NDUFS4: variants seen among roughly 807,000 people sequenced by gnomAD.
The protein encoded by NDUFS4 is NADH dehydrogenase [ubiquinone] iron-sulfur protein 4, mitochondrial.
NDUFS4 carries 28 observed loss-of-function variants against 24.3 expected under a neutral mutation model. That is an observed-to-expected ratio of 1.15 (90% CI 0.85 to 1.58). The LOEUF (loss-of-function observed/expected upper bound fraction) is 1.58. Among genes scored for constraint, NDUFS4 ranks in the 40% most tolerant of loss-of-function variants. The pLI is 0.00. For synonymous variants in NDUFS4, 93 were observed against 69.7 expected (o/e 1.34, Z -1.67); for missense variants, 223 against 207.9 (o/e 1.07, Z -0.45).
intron 2 of NDUFS4, among the ~76,000 whole-genome samples, chr5:53,622,141 G>T (rs1034912733): frequency 6.6e-6 from 1 of 151,954 alleles, no homozygotes; most frequent in African/African-American, 2.4e-5. Flanking sequence ...TTTCCATCTG[G>T]TATCCTTTTC....
At chr5:53,675,890 A>C (rs1412018201) in intron 4 of NDUFS4, among the ~76,000 whole-genome samples, 2 of 152,172 alleles carry the variant, frequency 1.3e-5, no homozygotes, top group Admixed American at 6.5e-5. Flanking sequence ...AGAGCCAAGA[A>C]AAGAGGTATG....
At chr5:53,603,740 A>G (rs189714605) in intron 2 of NDUFS4, among the ~76,000 whole-genome samples, 26 of 152,328 alleles carry the variant, frequency 1.7e-4, no homozygotes, top group African/African-American at 6.0e-4. Context: ...GCAAATATTA[A>G]TAAATTAAAA....
rs141811029 is a variant in NDUFS4, at chr5:53,658,699, A to G, written c.424+75A>G. On this transcript the variant is annotated intron_variant, in intron 4 of 4. Transcript: ENST00000296684. ...TAACCTTAATTAAAACCAATTAAGT[A>G]TACAGAATTTGAGTTGGAATCCAGT... 1.4e-4 allele frequency: 178 copies of G among 1,315,530 alleles called. 1 individual carries two copies. In the African/African-American group the frequency reaches 2.2e-3, roughly 16 times the overall value. The allele number at this position is 1,315,530 out of a possible 1,614,324, so 81.5% of individuals were successfully genotyped here. A position where few individuals can be genotyped will look rare whatever the true frequency, so the allele number is the denominator to read the frequency against.
rs143578644 is a variant in NDUFS4, at chr5:53,630,649, C to T, written c.178-15584C>T. On this transcript the variant is annotated intron_variant, in intron 2 of 4. Transcript: ENST00000296684. ...TAATTTCATCTTCAATCACTGATATCCTTTCTTCAGCTTGATCGATTCGGC... is the reference window on the plus strand; with the variant it reads ...TAATTTCATCTTCAATCACTGATATTCTTTCTTCAGCTTGATCGATTCGGC... 4.6e-5 allele frequency among the ~76,000 whole-genome samples: 7 copies of T among 152,126 alleles called. No individual in the cohort carries two copies. In the East Asian group the frequency reaches 1.4e-3, roughly 29 times the overall value.
chr5:53,619,234 G>C (rs1354419084), intron 2 of NDUFS4, among the ~76,000 whole-genome samples: 2 of 150,982 alleles, frequency 1.3e-5, no homozygotes, highest in African/African-American at 4.9e-5. Flanking sequence ...ACTTTGGGAG[G>C]CCGAGGCAGG....
intron 2 of NDUFS4, among the ~76,000 whole-genome samples, chr5:53,626,132 C>T (rs1409444581): frequency 3.3e-5 from 5 of 152,032 alleles, no homozygotes; most frequent in South Asian, 2.1e-4. Flanking sequence ...TGAGAACATG[C>T]GGTGTTAGGT....
At chr5:53,660,685 C>G (rs952204268) in intron 4 of NDUFS4, among the ~76,000 whole-genome samples, 6 of 152,018 alleles carry the variant, frequency 3.9e-5, no homozygotes, top group African/African-American at 1.4e-4. Flanking sequence ...TTTTAATGAT[C>G]GCCGTTCTAA....
chr5:53,567,666 G>C (rs7711180), intron 1 of NDUFS4, among the ~76,000 whole-genome samples: 19,164 of 151,804 alleles, frequency 0.13, 2,242 homozygotes, highest in East Asian at 0.46. Context: ...CTGAGTTCTC[G>C]TGTCTGCTTT....
intron 2 of NDUFS4, among the ~76,000 whole-genome samples, chr5:53,616,470 G>A (rs1750844173): frequency 6.6e-6 from 1 of 152,230 alleles, no homozygotes; most frequent in South Asian, 2.1e-4. Context: ...TTGAGATGTT[G>A]TGCTGTGTGA....
chr5:53,605,518 A>G (rs529270640), intron 2 of NDUFS4, among the ~76,000 whole-genome samples: 16 of 152,222 alleles, frequency 1.1e-4, no homozygotes, highest in Admixed American at 7.9e-4. Context: ...TTGGTTTGGT[A>G]TTTTTAATTA....
rs1462887706 is a variant in NDUFS4 at position 53,668,381 on chromosome 5, A to G, written c.424+9757A>G. The stretch of plus-strand genomic sequence containing the variant: ...AGTCATGAGCATGGTTTCCCTTGAC[A>G]CTAAAGATTGTAGAAAATCAATACA... On this transcript the variant is annotated intron_variant, in intron 4 of 4. Coordinates refer to ENST00000296684, the MANE Select transcript of NDUFS4 (RefSeq NM_002495.4). Among the ~76,000 whole-genome samples the G allele has an allele frequency of 2.6e-5, 4 of 152,172 alleles. No homozygotes were observed. In the East Asian group the frequency reaches 7.7e-4, roughly 29 times the overall value.
rs1198698009 is a variant in NDUFS4 at position 53,560,700 on chromosome 5, CGTT to C, written c.41_43del (p.Leu14del). 4 of 1,614,138 alleles carry C rather than the reference CGTT, an allele frequency of 2.5e-6. No individual in the cohort carries two copies. The highest frequency in any genetic ancestry group is 2.2e-5 in the East Asian group (1 of 44,906). The stretch of plus-strand genomic sequence containing the variant: ...TCAATGTCAGTGGTACTGAGGCAGA[CGTT>C]GTGGCGGAGAAGGGCAGTGGCTGTA... On this transcript the variant is annotated inframe_deletion, in exon 1 of 5. Transcript: ENST00000296684.
chr5:53,661,815 A>G (rs1752352644), intron 4 of NDUFS4, among the ~76,000 whole-genome samples: 4 of 151,904 alleles, frequency 2.6e-5, no homozygotes, highest in African/African-American at 9.7e-5. Context: ...AGTGGTGTAT[A>G]AGAATGCTTG....
chr5:53,653,216 G>A (rs756460974), intron 3 of NDUFS4, among the ~76,000 whole-genome samples: 1 of 152,248 alleles, frequency 6.6e-6, no homozygotes, highest in African/African-American at 2.4e-5. Flanking sequence ...ACAAGGATTT[G>A]TTCCATGTCA....
At chr5:53,576,672 C>T (rs1749396046) in intron 1 of NDUFS4, among the ~76,000 whole-genome samples, 1 of 152,074 alleles carries the variant, frequency 6.6e-6, no homozygotes, top group African/African-American at 2.4e-5. Flanking sequence ...ACTGCTGTAT[C>T]GTATGAATAT....
rs1751755760 is a variant in NDUFS4, at chr5:53,643,336, G to T, written c.178-2897G>T. Among the ~76,000 whole-genome samples the T allele has an allele frequency of 2.6e-5, 4 of 152,074 alleles. No homozygotes were observed. The South Asian group carries it at 8.3e-4, about 32-fold the overall frequency. Reference sequence around the variant, plus strand: ...AAATAGGTTTCAAAAACTCACAGGTGATCCATATTGCCATACAAAAGTAGA... The same window carrying T: ...AAATAGGTTTCAAAAACTCACAGGTTATCCATATTGCCATACAAAAGTAGA... On this transcript the variant is annotated intron_variant, in intron 2 of 4. Transcript: ENST00000296684.
chr5:53,658,783 C>A (rs1211740416), intron 4 of NDUFS4, 159 bp downstream of exon 4: 1 of 102,452 alleles, frequency 9.8e-6, no homozygotes, highest in Non-Finnish European at 1.6e-5. Flanking sequence ...ACACCCACCT[C>A]CAAAAAAAAA....
At chr5:53,570,675 TTTTTTTTTC>T (rs1360435353) in intron 1 of NDUFS4, among the ~76,000 whole-genome samples, 3 of 130,910 alleles carry the variant, frequency 2.3e-5, no homozygotes, top group Non-Finnish European at 4.7e-5. Flanking sequence ...TTGTATTGTA[TTTTTTTTTC>T]TTTTTTTTTT....
chr5:53,614,195 A>G (rs1489424989), intron 2 of NDUFS4, among the ~76,000 whole-genome samples: 1 of 151,886 alleles, frequency 6.6e-6, no homozygotes, highest in African/African-American at 2.4e-5. Flanking sequence ...GTCAGTTATT[A>G]TTTTTCAAAT....
Sources: gnomAD v4.1 joint callset for allele counts (sites outside exome capture counted in the v4.1 genomes callset) on GRCh38, gnomAD v4.1.1 for gene constraint, MANE v1.5 for transcripts, NCBI Gene and HGNC (gene_info 2026-07-23, HGNC 2026-07-21) for gene names.